PLGRKT: variants seen among roughly 807,000 people sequenced by gnomAD.
The protein encoded by PLGRKT is plasminogen receptor with a C-terminal lysine.
In PLGRKT, 22 loss-of-function variants were observed where a neutral mutation model predicts 18.5. The observed-to-expected ratio is 1.19, with a 90% CI of 0.85 to 1.70. The LOEUF is 1.70. Among genes scored for constraint, PLGRKT ranks in the 40% most tolerant of loss-of-function variants. The probability of loss-of-function intolerance (pLI) is 0.00; values close to 1 mark genes in which losing one functional copy is unlikely to be tolerated. For missense variants in PLGRKT, 235 were observed against 174.4 expected, an observed-to-expected ratio of 1.35 and a Z score of -1.96; for synonymous variants, 72 against 52.8, an observed-to-expected ratio of 1.36 and a Z score of -1.58.
At chr9:5,371,821 A>G (rs1213491425) in intron 3 of PLGRKT, among the ~76,000 whole-genome samples, 1 of 151,824 alleles carries the variant, frequency 6.6e-6, no homozygotes, top group Non-Finnish European at 1.5e-5. Context: ...AAGAGTACAT[A>G]TTTCATAGTA....
chr9:5,375,898 AC>A (rs1020849782), intron 3 of PLGRKT, among the ~76,000 whole-genome samples: 18 of 152,178 alleles, frequency 1.2e-4, no homozygotes, highest in African/African-American at 4.1e-4. Context: ...ATGCTTGTAC[AC>A]CTCCATTCAT....
intron 3 of PLGRKT, among the ~76,000 whole-genome samples, chr9:5,373,402 C>G (rs1044170382): frequency 6.6e-6 from 1 of 152,196 alleles, no homozygotes; most frequent in African/African-American, 2.4e-5. Flanking sequence ...ACTCAACTTT[C>G]TCAACATTTC....
chr9:5,421,834 G>A (rs1318097497), intron 3 of PLGRKT, among the ~76,000 whole-genome samples: 1 of 152,174 alleles, frequency 6.6e-6, no homozygotes, highest in East Asian at 1.9e-4. Flanking sequence ...AGGGACATAG[G>A]AATCAACTTG....
chr9:5,412,120 G>A, intron 3 of PLGRKT, among the ~76,000 whole-genome samples: 1 of 152,220 alleles, frequency 6.6e-6, no homozygotes, highest in Middle Eastern at 3.4e-3. Context: ...ACTGACCAGT[G>A]AATTAGAGTG....
chr9:5,415,092 G>C (rs1489517602), intron 3 of PLGRKT, among the ~76,000 whole-genome samples: 1 of 152,132 alleles, frequency 6.6e-6, no homozygotes, highest in African/African-American at 2.4e-5. Context: ...CCATGAAGAA[G>C]TCATTAATTC....
intron 3 of PLGRKT, among the ~76,000 whole-genome samples, chr9:5,379,042 T>C (rs1023644638): frequency 5.3e-5 from 8 of 152,080 alleles, no homozygotes; most frequent in Non-Finnish European, 1.0e-4. Context: ...TAAATACAAC[T>C]AGATAATGAT....
At chr9:5,364,277 G>A (rs749467630) in intron 3 of PLGRKT, among the ~76,000 whole-genome samples, 36 of 152,148 alleles carry the variant, frequency 2.4e-4, no homozygotes, top group Non-Finnish European at 4.4e-4. Context: ...ACCGTCACCT[G>A]AAATGAAAGA....
At chr9:5,401,578 A>C (rs906433069) in intron 3 of PLGRKT, among the ~76,000 whole-genome samples, 3 of 151,940 alleles carry the variant, frequency 2.0e-5, no homozygotes, top group African/African-American at 4.9e-5. Flanking sequence ...GTCAAAAAAA[A>C]CATTTTTTAA....
intron 3 of PLGRKT, 121 bp downstream of exon 3, chr9:5,431,776 A>G (rs996176169): frequency 2.8e-5 from 17 of 605,722 alleles, no homozygotes; most frequent in Non-Finnish European, 5.1e-5. Flanking sequence ...TCTTGGTTTT[A>G]AGGATGCAGC....
At chr9:5,436,055 G>A (rs1438551069) in intron 2 of PLGRKT, among the ~76,000 whole-genome samples, 1 of 152,230 alleles carries the variant, frequency 6.6e-6, no homozygotes, top group Non-Finnish European at 1.5e-5. Flanking sequence ...CTGAGGTGGT[G>A]AGATTTCCCT....
intron 3 of PLGRKT, among the ~76,000 whole-genome samples, chr9:5,412,858 T>C (rs1418704619): frequency 6.6e-6 from 1 of 152,094 alleles, no homozygotes; most frequent in African/African-American, 2.4e-5. Context: ...TAGGAAGATA[T>C]ATCCATAGAC....
rs184825380 is a variant in PLGRKT, at chr9:5,369,678, G to C, written c.82-7790C>G. ...CGATGTTCACAATAGCAAAGATTTG[G>C]AACCAACCCAAATGCCCATCAATGA... On this transcript the variant is annotated intron_variant, in intron 3 of 5. Transcript: ENST00000223864. 2.2e-3 allele frequency among the ~76,000 whole-genome samples: 329 copies of C among 152,208 alleles called. 1 individual carries two copies. The highest frequency in any genetic ancestry group is 7.4e-3 in the African/African-American group (309 of 41,514).
chr9:5,421,967 C>A (rs1016494387), intron 3 of PLGRKT, among the ~76,000 whole-genome samples: 6 of 152,176 alleles, frequency 3.9e-5, no homozygotes, highest in African/African-American at 1.4e-4. Context: ...ATTGTGGAGA[C>A]TTCTAGGGTA....
At chr9:5,371,468 G>A (rs1190683745) in intron 3 of PLGRKT, among the ~76,000 whole-genome samples, 2 of 152,114 alleles carry the variant, frequency 1.3e-5, no homozygotes, top group Non-Finnish European at 2.9e-5. Flanking sequence ...AGATCTGATG[G>A]GTTTATCAGG....
rs542332101 is a variant in PLGRKT at position 5,366,465 on chromosome 9, C to T, written c.82-4577G>A. Among the ~76,000 whole-genome samples, 14 of 152,164 alleles carry T rather than the reference C, an allele frequency of 9.2e-5. No individual in the cohort carries two copies. In the South Asian group the frequency reaches 2.9e-3, roughly 32 times the overall value. On this transcript the variant is annotated intron_variant, in intron 3 of 5. Coordinates refer to ENST00000223864, the MANE Select transcript of PLGRKT (RefSeq NM_018465.4). Reference sequence around the variant, plus strand: ...AGAATAATTTGAAATCAAAATGTTCCTGATTATAACTTCACACTCTGAGGA... The same window carrying T: ...AGAATAATTTGAAATCAAAATGTTCTTGATTATAACTTCACACTCTGAGGA...
At chr9:5,406,459 G>C (rs552099922) in intron 3 of PLGRKT, among the ~76,000 whole-genome samples, 2 of 152,276 alleles carry the variant, frequency 1.3e-5, no homozygotes, top group African/African-American at 4.8e-5. Context: ...GTCCTTTGCA[G>C]GGCAATGGAT....
At chr9:5,378,577 T>G (rs948530709) in intron 3 of PLGRKT, among the ~76,000 whole-genome samples, 5 of 152,332 alleles carry the variant, frequency 3.3e-5, no homozygotes, top group Non-Finnish European at 7.4e-5. Context: ...GGTTAGTGAC[T>G]GCAAGGGGTT....
At chr9:5,369,908 G>C (rs1817480404) in intron 3 of PLGRKT, among the ~76,000 whole-genome samples, 2 of 152,000 alleles carry the variant, frequency 1.3e-5, no homozygotes. Flanking sequence ...TGGACACAGG[G>C]AGGGGAACAT....
intron 3 of PLGRKT, among the ~76,000 whole-genome samples, chr9:5,411,851 A>G (rs1304289452): frequency 6.6e-6 from 1 of 152,254 alleles, no homozygotes; most frequent in East Asian, 1.9e-4. Flanking sequence ...AACATTTCCT[A>G]TTCTTGAATA....
Sources: gnomAD v4.1 joint callset for allele counts (sites outside exome capture counted in the v4.1 genomes callset) on GRCh38, gnomAD v4.1.1 for gene constraint, MANE v1.5 for transcripts, NCBI Gene and HGNC (gene_info 2026-07-23, HGNC 2026-07-21) for gene names.